Variants in GAB1 observed in about 807,000 individuals in gnomAD.
GAB1 encodes GRB2 associated binding protein 1.
In GAB1, 19 loss-of-function variants were observed where a neutral mutation model predicts 66.5. That is an observed-to-expected ratio of 0.29 (90% CI 0.20 to 0.42). GAB1 has a LOEUF of 0.42. Among genes scored for constraint, GAB1 ranks in the 10% least tolerant of loss-of-function variants. The probability of loss-of-function intolerance (pLI) is 1.00; values close to 1 mark genes in which losing one functional copy is unlikely to be tolerated. For missense variants in GAB1, 732 were observed against 858.5 expected (o/e 0.85, Z 1.84); for synonymous variants, 294 against 301.4 (o/e 0.98, Z 0.25).
At chr4:143,375,153 G>C (rs1560726715) in intron 1 of GAB1, among the ~76,000 whole-genome samples, 1 of 152,172 alleles carries the variant, frequency 6.6e-6, no homozygotes, top group Non-Finnish European at 1.5e-5. Flanking sequence ...TCACCATGTT[G>C]CCCAAGGTGG....
Position 143,450,890 on chromosome 4 carries a change from C to CA in GAB1, c.1586-8483dup, listed in dbSNP as rs66519270. Reference sequence around the variant, plus strand: ...TGGGCAACAGAGCAAGACTGCATCTCAAAAAAAAAAAACAAAAAATGTGTG... The same window carrying CA: ...TGGGCAACAGAGCAAGACTGCATCTCAAAAAAAAAAAAACAAAAAATGTGTG... On this transcript the variant is annotated intron_variant, in intron 6 of 9. Transcript: ENST00000262994. 3.6e-3 allele frequency among the ~76,000 whole-genome samples: 496 copies of CA among 138,652 alleles called. 1 individual carries two copies. The highest frequency in any genetic ancestry group is 4.5e-3 in the Admixed American group (61 of 13,630). The allele number at this position is 138,652 out of a possible 152,430, so 91.0% of individuals were successfully genotyped here.
At chr4:143,445,084 T>A (rs977853189) in intron 6 of GAB1, among the ~76,000 whole-genome samples, 3 of 152,166 alleles carry the variant, frequency 2.0e-5, no homozygotes, top group African/African-American at 7.2e-5. Context: ...GTAGAAAGAT[T>A]TGTTTTCTTT....
intron 2 of GAB1, among the ~76,000 whole-genome samples, chr4:143,428,036 C>T (rs989481296): frequency 1.3e-5 from 2 of 152,208 alleles, no homozygotes; most frequent in Non-Finnish European, 2.9e-5. Flanking sequence ...GGAATATGTG[C>T]TCTTACCCAC....
At chr4:143,465,899 T>G (rs1286699226) in intron 8 of GAB1, 4 of 418,192 alleles carry the variant, frequency 9.6e-6, no homozygotes, top group Non-Finnish European at 1.7e-5. Flanking sequence ...GTTTAACTTT[T>G]GAAACTACGT....
At chr4:143,452,732 C>T (rs1447289560) in intron 6 of GAB1, among the ~76,000 whole-genome samples, 2 of 152,170 alleles carry the variant, frequency 1.3e-5, no homozygotes, top group East Asian at 3.9e-4. Flanking sequence ...GATTAAAGCA[C>T]AGATAGAAAT....
intron 6 of GAB1, chr4:143,457,614 TTACAGAATCCATTTTCCAA>T: frequency 1.8e-6 from 1 of 560,344 alleles, no homozygotes. Context: ...TTTTTTTTTT[TTACAGAATCCATTTTCCAA>T]TTAATAAATA....
chr4:143,462,869 G>T (rs1480651032), intron 8 of GAB1, among the ~76,000 whole-genome samples: 1 of 152,032 alleles, frequency 6.6e-6, no homozygotes, highest in Non-Finnish European at 1.5e-5. Flanking sequence ...ATCATGTTGC[G>T]CAGGATGGTC....
chr4:143,418,609 T>C, intron 2 of GAB1, among the ~76,000 whole-genome samples: 1 of 152,252 alleles, frequency 6.6e-6, no homozygotes, highest in Admixed American at 6.5e-5. Flanking sequence ...AAGGGCAGAC[T>C]TTTGTCTCTG....
chr4:143,358,956 C>T (rs566906763), intron 1 of GAB1, among the ~76,000 whole-genome samples: 272 of 152,268 alleles, frequency 1.8e-3, no homozygotes, highest in Non-Finnish European at 3.2e-3. Flanking sequence ...ACTTCTATCC[C>T]GGTTCCAACT....
chr4:143,434,164 T>C, intron 3 of GAB1: 1 of 1,280,916 alleles, frequency 7.8e-7, no homozygotes, highest in Non-Finnish European at 1.0e-6. Flanking sequence ...AACGATTCCA[T>C]TGCAGTGAGT....
intron 1 of GAB1, among the ~76,000 whole-genome samples, chr4:143,343,809 G>T (rs1728902519): frequency 6.6e-6 from 1 of 152,174 alleles, no homozygotes; most frequent in Non-Finnish European, 1.5e-5. Context: ...GAAGAACAAA[G>T]ATTTGTGTTG....
chr4:143,387,369 G>C (rs1730968264), intron 1 of GAB1, among the ~76,000 whole-genome samples: 5 of 152,298 alleles, frequency 3.3e-5, no homozygotes, highest in Non-Finnish European at 5.9e-5. Context: ...AACCTCAGGT[G>C]ATCCACCTGC....
chr4:143,354,268 C>A (rs1303501774), intron 1 of GAB1, among the ~76,000 whole-genome samples: 1 of 151,948 alleles, frequency 6.6e-6, no homozygotes, highest in African/African-American at 2.4e-5. Context: ...TTTTTATGAG[C>A]CTCTGAGTAT....
chr4:143,361,448 G>A lies in GAB1; in HGVS notation c.72+24188G>A, dbSNP rs181019538. 4.6e-4 allele frequency among the ~76,000 whole-genome samples: 70 copies of A among 152,264 alleles called. No homozygotes were observed. The East Asian group carries it at 0.011, about 23-fold the overall frequency. On this transcript the variant is annotated intron_variant, in intron 1 of 9. Transcript: ENST00000262994. ...GACCAAAGGCAATGAAATGTTACCT[G>A]ACTTGCAGTATCAGTCAGGATTCTC...
At chr4:143,360,619 G>T (rs1729625203) in intron 1 of GAB1, among the ~76,000 whole-genome samples, 1 of 152,092 alleles carries the variant, frequency 6.6e-6, no homozygotes, top group Non-Finnish European at 1.5e-5. Context: ...CCAAATTCTT[G>T]CCATCATGCT....
chr4:143,337,182 G>A lies in GAB1; in HGVS notation c.-7G>A. On this transcript the variant is annotated 5_prime_UTR_variant, in exon 1 of 10. Coordinates refer to ENST00000262994, the MANE Select transcript of GAB1 (RefSeq NM_002039.4). Reference sequence around the variant, plus strand: ...CTGCCCGGCCCGGAGCCCGAGACGCGCGCACCATGAGCGGTGGTGAAGTGG... The same window carrying A: ...CTGCCCGGCCCGGAGCCCGAGACGCACGCACCATGAGCGGTGGTGAAGTGG... The A allele has an allele frequency of 6.4e-7, 1 of 1,573,368 alleles. No individual in the cohort carries two copies. Among genetic ancestry groups the A allele is most frequent in the East Asian group, 2.3e-5 (1 of 43,342 alleles).
chr4:143,353,153 G>A (rs1297535117), intron 1 of GAB1, among the ~76,000 whole-genome samples: 1 of 152,190 alleles, frequency 6.6e-6, no homozygotes, highest in East Asian at 1.9e-4. Context: ...AGAAGTTCTG[G>A]TTATTCTGGT....
chr4:143,462,868 C>T (rs369905235), intron 8 of GAB1, among the ~76,000 whole-genome samples: 8 of 152,024 alleles, frequency 5.3e-5, no homozygotes, highest in Non-Finnish European at 1.0e-4. Context: ...CATCATGTTG[C>T]GCAGGATGGT....
intron 8 of GAB1, 146 bp from the exon 9 acceptor site, chr4:143,465,957 A>G: frequency 1.3e-6 from 1 of 780,872 alleles, no homozygotes; most frequent in Non-Finnish European, 2.0e-6. Flanking sequence ...AATATTACTT[A>G]TTTTCTTTCT....
Sources: gnomAD v4.1 joint callset for allele counts (sites outside exome capture counted in the v4.1 genomes callset) on GRCh38, gnomAD v4.1.1 for gene constraint, MANE v1.5 for transcripts, NCBI Gene and HGNC (gene_info 2026-07-23, HGNC 2026-07-21) for gene names.